Variants in DENND2B observed in about 807,000 individuals in gnomAD.
DENND2B encodes the protein DENN domain containing 2B.
A neutral mutation model predicts 116.0 loss-of-function variants in DENND2B; 32 were observed. That is an observed-to-expected ratio of 0.28 (90% confidence interval 0.21 to 0.37). The LOEUF is 0.37. DENND2B is among the 10% of genes least tolerant of loss of function. The probability of loss-of-function intolerance (pLI) is 1.00; values close to 1 mark genes in which losing one functional copy is unlikely to be tolerated. For synonymous variants in DENND2B, 588 were observed against 583.9 expected, an observed-to-expected ratio of 1.01 and a Z score of -0.10; for missense variants, 1,276 against 1,477.7, an observed-to-expected ratio of 0.86 and a Z score of 2.24.
chr11:8,703,462 G>A (rs1389588437), intron 13 of DENND2B: 1 of 152,452 alleles, frequency 6.6e-6, no homozygotes, highest in African/African-American at 2.4e-5. Flanking sequence ...AGTCACAGGG[G>A]TGGAAGGTAG....
chr11:8,859,885 C>A (rs974085286), intron 2 of DENND2B, among the ~76,000 whole-genome samples: 4 of 152,060 alleles, frequency 2.6e-5, no homozygotes, highest in African/African-American at 7.3e-5. Context: ...AGTTTTCTGT[C>A]TCTTCTTTCC....
intron 4 of DENND2B, among the ~76,000 whole-genome samples, chr11:8,827,758 G>A (rs2062034975): frequency 6.6e-6 from 1 of 152,222 alleles, no homozygotes; most frequent in Non-Finnish European, 1.5e-5. Flanking sequence ...AGCTTCTGAA[G>A]GGTGAACCCT....
rs1369769456 is a variant in DENND2B, at chr11:8,695,564, C to G, written c.3293-15G>C. ...CTCAAAAAGGCCTGGGTAAAAGAAA[C>G]AGGCACAGGGAAGAGAACAGTCATT... On this transcript the variant is annotated splice_polypyrimidine_tract_variant and intron_variant, in intron 18 of 19. Coordinates refer to ENST00000313726, the MANE Select transcript of DENND2B (RefSeq NM_213618.2). 2 of 1,612,798 alleles carry G rather than the reference C, an allele frequency of 1.2e-6. No homozygotes were observed. The highest frequency in any genetic ancestry group is 1.7e-6 in the Non-Finnish European group (2 of 1,179,232).
chr11:8,772,944 C>G (rs1482789190), intron 1 of DENND2B, among the ~76,000 whole-genome samples: 1 of 152,188 alleles, frequency 6.6e-6, no homozygotes, highest in Non-Finnish European at 1.5e-5. Context: ...TTTCCTTCCC[C>G]TCCTCCTAAA....
At chr11:8,847,547 T>A (rs2062857675) in intron 3 of DENND2B, among the ~76,000 whole-genome samples, 1 of 152,158 alleles carries the variant, frequency 6.6e-6, no homozygotes, top group Non-Finnish European at 1.5e-5. Context: ...GAAAAGGGTA[T>A]AAGCAGTCAA....
intron 1 of DENND2B, among the ~76,000 whole-genome samples, chr11:8,807,105 G>C (rs2060932230): frequency 6.6e-6 from 1 of 152,152 alleles, no homozygotes; most frequent in African/African-American, 2.4e-5. Flanking sequence ...GGCTCGGAAG[G>C]GCTGCTGCCA....
At chr11:8,709,437 C>T (rs2043205584) in intron 11 of DENND2B, among the ~76,000 whole-genome samples, 1 of 152,230 alleles carries the variant, frequency 6.6e-6, no homozygotes, top group Non-Finnish European at 1.5e-5. Flanking sequence ...AGCAGCCCCA[C>T]TACAAAGGAG....
chr11:8,850,047 A>T (rs974993870), intron 3 of DENND2B, among the ~76,000 whole-genome samples: 1 of 152,104 alleles, frequency 6.6e-6, no homozygotes, highest in Non-Finnish European at 1.5e-5. Context: ...AGGTGGGAGG[A>T]TCACTTGAGC....
intron 1 of DENND2B, chr11:8,768,932 ACTCAGGC>A (rs1048703316): frequency 1.3e-5 from 2 of 152,138 alleles, no homozygotes; most frequent in African/African-American, 4.8e-5. Flanking sequence ...ATAATTATAC[ACTCAGGC>A]ATCATGGTCA....
At chr11:8,875,431 T>C (rs1479420055), upstream of DENND2B, among the ~76,000 whole-genome samples, 1 of 151,746 alleles carries the variant, frequency 6.6e-6, no homozygotes, top group African/African-American at 2.4e-5. Context: ...TTTTTTTTAA[T>C]TTTACTATTC....
upstream of DENND2B, among the ~76,000 whole-genome samples, chr11:8,812,104 C>T (rs1480814558): frequency 2.0e-5 from 3 of 152,314 alleles, no homozygotes; most frequent in East Asian, 3.9e-4. Context: ...TGCACTTATA[C>T]AGTTAGGCAG....
intron 1 of DENND2B, among the ~76,000 whole-genome samples, chr11:8,772,704 T>C (rs1593459618): frequency 6.6e-6 from 1 of 151,698 alleles, no homozygotes; most frequent in Non-Finnish European, 1.5e-5. Flanking sequence ...AGGCCTAGAG[T>C]GCCATGACCA....
At chr11:8,906,907 C>T (rs1352226510) in intron 1 of DENND2B, among the ~76,000 whole-genome samples, 1 of 152,184 alleles carries the variant, frequency 6.6e-6, no homozygotes, top group African/African-American at 2.4e-5. Context: ...ATGATTTATA[C>T]AGTTTCTGGT....
chr11:8,896,144 A>G (rs2064098578), intron 1 of DENND2B, among the ~76,000 whole-genome samples: 1 of 152,186 alleles, frequency 6.6e-6, no homozygotes, highest in Non-Finnish European at 1.5e-5. Context: ...TTTCTCTAGA[A>G]CTGGTATAAT....
At chr11:8,812,095 G>A (rs2061404132), upstream of DENND2B, among the ~76,000 whole-genome samples, 1 of 152,148 alleles carries the variant, frequency 6.6e-6, no homozygotes, top group Non-Finnish European at 1.5e-5. Flanking sequence ...CATTTGATCT[G>A]CACTTATACA....
intron 1 of DENND2B, chr11:8,810,182 G>C (rs1287227730): frequency 6.6e-6 from 1 of 151,960 alleles, no homozygotes; most frequent in East Asian, 1.9e-4. Flanking sequence ...AACACCACGG[G>C]AGTGATGTTA....
intron 3 of DENND2B, among the ~76,000 whole-genome samples, chr11:8,846,123 C>A (rs1226795575): frequency 1.3e-5 from 2 of 152,082 alleles, no homozygotes; most frequent in East Asian, 3.9e-4. Context: ...CAGGGACGTG[C>A]CAGAGGACAT....
At chr11:8,724,597 C>T (rs1393390094) in intron 4 of DENND2B, among the ~76,000 whole-genome samples, 2 of 152,314 alleles carry the variant, frequency 1.3e-5, no homozygotes, top group Admixed American at 6.5e-5. Flanking sequence ...CAGGCTAGAG[C>T]ATTCTATCTT....
At chr11:8,907,998 C>T (rs1180253932) in intron 1 of DENND2B, among the ~76,000 whole-genome samples, 1 of 152,140 alleles carries the variant, frequency 6.6e-6, no homozygotes, top group East Asian at 1.9e-4. Flanking sequence ...CACCACAAAG[C>T]CACCTCTTTA....
Sources: gnomAD v4.1 joint callset for allele counts (sites outside exome capture counted in the v4.1 genomes callset) on GRCh38, gnomAD v4.1.1 for gene constraint, MANE v1.5 for transcripts, NCBI Gene and HGNC (gene_info 2026-07-23, HGNC 2026-07-21) for gene names.